The following NUBPL variants were observed in gnomAD, a reference collection of about 807,000 sequenced individuals.
The protein encoded by NUBPL is iron-sulfur cluster transfer protein NUBPL.
A neutral mutation model predicts 45.7 loss-of-function variants in NUBPL; 31 were observed. The observed-to-expected ratio is 0.68, with a 90% CI of 0.51 to 0.92. The LOEUF (loss-of-function observed/expected upper bound fraction) is 0.92. Among genes scored for constraint, NUBPL ranks in the 40% least tolerant of loss-of-function variants. NUBPL has a pLI of 0.00. For missense variants in NUBPL, 401 were observed against 398.7 expected (o/e 1.01, Z -0.05); for synonymous variants, 144 against 140.9 (o/e 1.02, Z -0.15).
At chr14:31,716,697 A>C (rs1187681502) in intron 6 of NUBPL, among the ~76,000 whole-genome samples, 1 of 152,184 alleles carries the variant, frequency 6.6e-6, no homozygotes, top group Non-Finnish European at 1.5e-5. Context: ...GGCAATGCCT[A>C]ATGGAAAGCT....
At position 31,565,049 on chromosome 14, in the gene NUBPL, G is replaced by A; in HGVS notation, c.291+1G>A. 6.5e-7 allele frequency: 1 copy of A among 1,526,872 alleles called. No homozygotes were observed. Among genetic ancestry groups the A allele is most frequent in the South Asian group, 1.2e-5 (1 of 81,932 alleles). The allele number at this position is 1,526,872 out of a possible 1,614,324, so 94.6% of individuals were successfully genotyped here. On this transcript the variant is annotated splice_donor_variant, in intron 3 of 10. Coordinates refer to ENST00000281081, the MANE Select transcript of NUBPL (RefSeq NM_025152.3). LOFTEE classifies it high-confidence loss of function. ...ACTTGCACTAGCAGCGAACGATTCG[G>A]TAGGTGTTTATTAATAGAAATATTA...
Position 31,605,645 on chromosome 14 carries a change from A to C in NUBPL, c.382+6266A>C, listed in dbSNP as rs1595357807. ...AGAGAAGTGGAAAATCAGCTTGAGCAAATGACCTTTTATAATCTCTGATAA... is the reference window on the plus strand; with the variant it reads ...AGAGAAGTGGAAAATCAGCTTGAGCCAATGACCTTTTATAATCTCTGATAA... On this transcript the variant is annotated intron_variant, in intron 4 of 10. Transcript: ENST00000281081. Among the ~76,000 whole-genome samples, 3 of 152,202 alleles carry C rather than the reference A, an allele frequency of 2.0e-5. No homozygotes were observed. The South Asian group carries it at 6.2e-4, about 32-fold the overall frequency.
intron 6 of NUBPL, among the ~76,000 whole-genome samples, chr14:31,730,033 G>A (rs2038015240): frequency 6.6e-6 from 1 of 152,038 alleles, no homozygotes; most frequent in Non-Finnish European, 1.5e-5. Flanking sequence ...TTTATTCCCA[G>A]TTTACAGAGA....
At chr14:31,854,095 CT>C (rs1338943449) in intron 10 of NUBPL, among the ~76,000 whole-genome samples, 1 of 152,120 alleles carries the variant, frequency 6.6e-6, no homozygotes, top group Admixed American at 6.5e-5. Flanking sequence ...AAATTATCAC[CT>C]CACAATCTTA....
At chr14:31,675,368 T>C (rs1177777513) in intron 6 of NUBPL, among the ~76,000 whole-genome samples, 1 of 152,242 alleles carries the variant, frequency 6.6e-6, no homozygotes, top group African/African-American at 2.4e-5. Context: ...ACACTGGGAC[T>C]AATGCTGATC....
intron 6 of NUBPL, among the ~76,000 whole-genome samples, chr14:31,760,177 G>GAGAGAGAGAGAGAGAGAGAC (rs1566547083): frequency 6.8e-6 from 1 of 146,920 alleles, no homozygotes; most frequent in African/African-American, 2.6e-5. Context: ...GAGAGAGAGA[G>GAGAGAGAGAGAGAGAGAGAC]AGAGACAGGG....
At chr14:31,764,473 A>G (rs2038874395) in intron 6 of NUBPL, among the ~76,000 whole-genome samples, 1 of 152,182 alleles carries the variant, frequency 6.6e-6, no homozygotes, top group Non-Finnish European at 1.5e-5. Flanking sequence ...TTTCTGAGTC[A>G]TGACTGAACT....
At chr14:31,817,588 A>G (rs577247301) in intron 7 of NUBPL, among the ~76,000 whole-genome samples, 1 of 152,324 alleles carries the variant, frequency 6.6e-6, no homozygotes, top group Admixed American at 6.5e-5. Context: ...AAGCTTCATA[A>G]GCAAAGCAAA....
intron 6 of NUBPL, among the ~76,000 whole-genome samples, chr14:31,758,840 G>T (rs1347674539): frequency 6.6e-6 from 1 of 152,090 alleles, no homozygotes; most frequent in Non-Finnish European, 1.5e-5. Flanking sequence ...AAGTAATTTT[G>T]CATTCTACTG....
chr14:31,731,410 T>G (rs964934340), intron 6 of NUBPL, among the ~76,000 whole-genome samples: 2 of 152,260 alleles, frequency 1.3e-5, no homozygotes, highest in African/African-American at 4.8e-5. Context: ...TTTTTATGCC[T>G]CTGGGTTTCA....
Position 31,850,132 on chromosome 14 carries a change from A to T in NUBPL, c.828A>T (p.Leu276Phe), listed in dbSNP as rs1191218347. ...LGLEVLGDIP[L>F]HLNIREASDT... Reference sequence around the variant, plus strand: ...GGGCTCTTTTAGGAGACATTCCCTTACACCTTAATATAAGGGAAGCTTCAG... The same window carrying T: ...GGGCTCTTTTAGGAGACATTCCCTTTCACCTTAATATAAGGGAAGCTTCAG... Residue 276 changes from leucine to phenylalanine, a missense_variant, in exon 10 of 11, where the codon TTA becomes TTT. Transcript: ENST00000281081. 6.2e-7 allele frequency: 1 copy of T among 1,613,592 alleles called. No individual in the cohort carries two copies. The highest frequency in any genetic ancestry group is 8.5e-7 in the Non-Finnish European group (1 of 1,179,680).
intron 4 of NUBPL, among the ~76,000 whole-genome samples, chr14:31,646,971 G>C (rs1566473979): frequency 6.6e-6 from 1 of 151,522 alleles, no homozygotes; most frequent in Non-Finnish European, 1.5e-5. Context: ...TCCTTTGCTT[G>C]ATCCAGTCTG....
intron 4 of NUBPL, among the ~76,000 whole-genome samples, chr14:31,669,260 G>A (rs139273501): frequency 1.3e-5 from 2 of 152,230 alleles, no homozygotes; most frequent in South Asian, 2.1e-4. Flanking sequence ...TTAAATCAGG[G>A]TAATGAGCAG....
chr14:31,704,578 G>A lies in NUBPL; in HGVS notation c.513+31004G>A, dbSNP rs139935409. On this transcript the variant is annotated intron_variant, in intron 6 of 10. Coordinates refer to ENST00000281081, the MANE Select transcript of NUBPL (RefSeq NM_025152.3). ...CTCAGGAGGCTGAGACAGGAGAATCGCTTGAACCTGGGAGGCGGAGGTTGC... is the reference window on the plus strand; with the variant it reads ...CTCAGGAGGCTGAGACAGGAGAATCACTTGAACCTGGGAGGCGGAGGTTGC... Among the ~76,000 whole-genome samples the A allele has an allele frequency of 7.1e-3, 1,081 of 152,010 alleles. 10 individuals are homozygous for A. Among genetic ancestry groups the A allele is most frequent in the Middle Eastern group, 0.061 (18 of 294 alleles).
chr14:31,629,821 C>T (rs2035296202), intron 4 of NUBPL, among the ~76,000 whole-genome samples: 1 of 152,100 alleles, frequency 6.6e-6, no homozygotes, highest in South Asian at 2.1e-4. Flanking sequence ...AAATACCTAT[C>T]CTCAGTTTCC....
chr14:31,846,003 G>A (rs1397315534), intron 8 of NUBPL: 1 of 203,746 alleles, frequency 4.9e-6, no homozygotes, highest in East Asian at 1.3e-4. Flanking sequence ...ATGGTATTCA[G>A]CATCTTCCCA....
intron 6 of NUBPL, among the ~76,000 whole-genome samples, chr14:31,710,253 G>A (rs533017947): frequency 8.5e-5 from 13 of 152,180 alleles, no homozygotes; most frequent in Admixed American, 5.2e-4. Flanking sequence ...AAAACCGCCC[G>A]CAGATTTGGT....
intron 6 of NUBPL, among the ~76,000 whole-genome samples, chr14:31,778,762 C>G (rs2039140511): frequency 6.6e-6 from 1 of 152,128 alleles, no homozygotes; most frequent in Non-Finnish European, 1.5e-5. Flanking sequence ...TGTTGCCATA[C>G]TTTAAAGGGA....
At chr14:31,588,075 T>C (rs1255080650) in intron 3 of NUBPL, among the ~76,000 whole-genome samples, 1 of 152,202 alleles carries the variant, frequency 6.6e-6, no homozygotes, top group African/African-American at 2.4e-5. Context: ...CTTAATTTGT[T>C]GTATTGGCAA....
Sources: gnomAD v4.1 joint callset for allele counts (sites outside exome capture counted in the v4.1 genomes callset) on GRCh38, gnomAD v4.1.1 for gene constraint, MANE v1.5 for transcripts, NCBI Gene and HGNC (gene_info 2026-07-23, HGNC 2026-07-21) for gene names.